The following CDK13 variants were observed in gnomAD, a reference collection of about 807,000 sequenced individuals.
CDK13 encodes the protein cyclin-dependent kinase 13.
A neutral mutation model predicts 137.6 loss-of-function variants in CDK13; 40 were observed. That is an observed-to-expected ratio of 0.29 (90% CI 0.23 to 0.38). CDK13 has a LOEUF of 0.38. CDK13 is among the 10% of genes least tolerant of loss of function. CDK13 has a pLI of 1.00. For missense variants in CDK13, 1,704 were observed against 1,951.8 expected (o/e 0.87, Z 2.39); for synonymous variants, 869 against 760.1 (o/e 1.14, Z -2.36).
chr7:40,061,187 A>G (rs995243302), intron 7 of CDK13: 5 of 152,230 alleles, frequency 3.3e-5, no homozygotes, highest in African/African-American at 7.2e-5. Flanking sequence ...TTATGTGAAG[A>G]TAAGTGATTC....
intron 1 of CDK13, chr7:39,984,159 G>T (rs148578610): frequency 6.6e-6 from 1 of 152,350 alleles, no homozygotes; most frequent in African/African-American, 2.4e-5. Context: ...GGTGGCTCAT[G>T]CCTGTAATCC....
chr7:40,083,103 C>CAAAA (rs34744742), intron 11 of CDK13, among the ~76,000 whole-genome samples: 2 of 100,434 alleles, frequency 2.0e-5, no homozygotes, highest in East Asian at 3.4e-4. Flanking sequence ...ACTCTGTCTC[C>CAAAA]AAAAAAAAAA....
intron 7 of CDK13, among the ~76,000 whole-genome samples, chr7:40,051,244 A>G (rs906076906): frequency 1.3e-5 from 2 of 151,048 alleles, no homozygotes; most frequent in Admixed American, 6.6e-5. Context: ...TGGGGTTTAT[A>G]TACTCCTTTA....
At chr7:40,025,735 T>A (rs1785229591) in intron 5 of CDK13, among the ~76,000 whole-genome samples, 1 of 152,226 alleles carries the variant, frequency 6.6e-6, no homozygotes, top group African/African-American at 2.4e-5. Flanking sequence ...GAATTAGTAA[T>A]AAGTGAAAAC....
At chr7:39,976,225 G>A (rs963831695) in intron 1 of CDK13, among the ~76,000 whole-genome samples, 18 of 151,460 alleles carry the variant, frequency 1.2e-4, no homozygotes, top group East Asian at 3.9e-4. Context: ...CCCGGGAGGC[G>A]GAGGTTGCAG....
chr7:40,044,113 TCTCTAACTCCTGAC>T (rs1785679868), intron 5 of CDK13, among the ~76,000 whole-genome samples: 1 of 151,862 alleles, frequency 6.6e-6, no homozygotes, highest in Admixed American at 6.6e-5. Flanking sequence ...GCCAGGCTGG[TCTCTAACTCCTGAC>T]CTCAGGTGAT....
intron 1 of CDK13, among the ~76,000 whole-genome samples, chr7:39,970,115 G>A (rs191816365): frequency 1.4e-3 from 209 of 147,562 alleles, no homozygotes; most frequent in Admixed American, 2.8e-3. Flanking sequence ...AGCGATTCTC[G>A]TGTCTCAGCC....
At chr7:39,951,919 A>G in intron 1 of CDK13, 67 bp downstream of exon 1, 1 of 1,311,466 alleles carries the variant, frequency 7.6e-7, no homozygotes, top group East Asian at 2.8e-5. Flanking sequence ...AGGAAGGGAA[A>G]GTGGTGCCCG....
intron 9 of CDK13, among the ~76,000 whole-genome samples, chr7:40,064,957 ATTTTTTTTTTTTTTTTTTT>A (rs56710188): frequency 2.0e-4 from 9 of 46,102 alleles, no homozygotes; most frequent in Admixed American, 3.8e-4. Context: ...ATGCTGGGTG[ATTTTTTTTTTTTTTTTTTT>A]TTTTTTTTTT....
chr7:40,021,096 AACAAACGTATATATATATATATATAT>A (rs11273031), intron 5 of CDK13, among the ~76,000 whole-genome samples: 63,437 of 118,550 alleles, frequency 0.54, 15,660 homozygotes, highest in Non-Finnish European at 0.64. Context: ...TCTCAGAGCA[AACAAACGTATATATATATATATATAT>A]ACACACACAC....
intron 7 of CDK13, among the ~76,000 whole-genome samples, chr7:40,057,127 T>G (rs1294703030): frequency 6.6e-6 from 1 of 152,098 alleles, no homozygotes; most frequent in African/African-American, 2.4e-5. Context: ...TGGTGGCAGA[T>G]GCCTGTAATC....
Position 40,097,153 on chromosome 7 carries a change from TC to T in CDK13, c.*2174del, listed in dbSNP as rs536085285. 17 of 152,252 alleles carry T rather than the reference TC, an allele frequency of 1.1e-4. 1 individual carries two copies. The South Asian group carries it at 3.3e-3, about 30-fold the overall frequency. The allele number at this position is 152,252 out of a possible 1,614,324, so 9.4% of individuals were successfully genotyped here. On this transcript the variant is annotated 3_prime_UTR_variant, in exon 14 of 14. Transcript: ENST00000181839. ...AATTGAACTGTGTTTGGATAGTTTT[TC>T]TAATCAAACATTTCAGTTATATATT...
chr7:40,048,552 T>C (rs1163465804), intron 7 of CDK13: 1 of 152,180 alleles, frequency 6.6e-6, no homozygotes, highest in Non-Finnish European at 1.5e-5. Flanking sequence ...CTTTTTTGTC[T>C]TTATTTCCAT....
chr7:40,034,901 C>G (rs555688916), intron 5 of CDK13, among the ~76,000 whole-genome samples: 14 of 152,116 alleles, frequency 9.2e-5, no homozygotes, highest in Non-Finnish European at 2.1e-4. Context: ...AATTTCCTCT[C>G]TGGATTCTTT....
At chr7:40,009,775 G>T (rs1012477047) in intron 5 of CDK13, among the ~76,000 whole-genome samples, 1 of 152,194 alleles carries the variant, frequency 6.6e-6, no homozygotes, top group Non-Finnish European at 1.5e-5. Context: ...GAAGGGAACT[G>T]CCTCAACCTG....
chr7:39,989,050 C>G (rs1312993804), intron 2 of CDK13, among the ~76,000 whole-genome samples: 1 of 134,294 alleles, frequency 7.4e-6, no homozygotes, highest in Admixed American at 8.7e-5. Context: ...CGCCACTGCA[C>G]TCCAGCCTGG....
At chr7:40,080,967 T>G (rs956495149) in intron 11 of CDK13, among the ~76,000 whole-genome samples, 6 of 149,988 alleles carry the variant, frequency 4.0e-5, no homozygotes, top group Admixed American at 2.7e-4. Flanking sequence ...CATTCAGATT[T>G]CCCCAGTTGA....
At chr7:40,019,997 A>G (rs1248508766) in intron 5 of CDK13, among the ~76,000 whole-genome samples, 1 of 152,146 alleles carries the variant, frequency 6.6e-6, no homozygotes, top group Non-Finnish European at 1.5e-5. Context: ...TCTGGCTTTA[A>G]ATGTGTTTTC....
chr7:39,958,140 A>G (rs1402219079), intron 1 of CDK13, among the ~76,000 whole-genome samples: 7 of 152,176 alleles, frequency 4.6e-5, no homozygotes, highest in Non-Finnish European at 1.5e-5. Context: ...TAGAGGATAA[A>G]TATAGGTAAA....
Sources: gnomAD v4.1 joint callset for allele counts (sites outside exome capture counted in the v4.1 genomes callset) on GRCh38, gnomAD v4.1.1 for gene constraint, MANE v1.5 for transcripts, NCBI Gene and HGNC (gene_info 2026-07-23, HGNC 2026-07-21) for gene names.